ASAP1: variants seen among roughly 807,000 people sequenced by gnomAD.
The protein encoded by ASAP1 is arf-GAP with SH3 domain, ANK repeat and PH domain-containing protein 1.
A neutral mutation model predicts 145.2 loss-of-function variants in ASAP1; 43 were observed. That is an observed-to-expected ratio of 0.30 (90% CI 0.23 to 0.38). The LOEUF is 0.38. ASAP1 is among the 10% of genes least tolerant of loss of function. The pLI is 1.00. For missense variants in ASAP1, 1,018 were observed against 1,355.3 expected, an observed-to-expected ratio of 0.75 and a Z score of 3.91; for synonymous variants, 546 against 515.5, an observed-to-expected ratio of 1.06 and a Z score of -0.80.
At chr8:130,300,145 CACACACACAGAGAG>C (rs1330976330) in intron 3 of ASAP1, among the ~76,000 whole-genome samples, 1 of 107,362 alleles carries the variant, frequency 9.3e-6, no homozygotes, top group Non-Finnish European at 1.9e-5. Context: ...CACACACACA[CACACACACAGAGAG>C]AGAGAGAGAG....
At chr8:130,296,751 A>C (rs758903769) in intron 3 of ASAP1, among the ~76,000 whole-genome samples, 5 of 151,146 alleles carry the variant, frequency 3.3e-5, no homozygotes, top group Non-Finnish European at 4.4e-5. Flanking sequence ...CCGACTACAG[A>C]ATTAGTTTAA....
chr8:130,176,184 T>C (rs1813939849), intron 9 of ASAP1, among the ~76,000 whole-genome samples: 2 of 152,212 alleles, frequency 1.3e-5, no homozygotes, highest in African/African-American at 4.8e-5. Flanking sequence ...TGACTATTAC[T>C]ACCTAGGCAA....
chr8:130,354,059 T>C (rs1826160272), intron 3 of ASAP1, among the ~76,000 whole-genome samples: 1 of 152,040 alleles, frequency 6.6e-6, no homozygotes, highest in Non-Finnish European at 1.5e-5. Flanking sequence ...AGCTAATTTT[T>C]TTTTGTATTT....
intron 23 of ASAP1, 94 bp from the exon 24 acceptor site, chr8:130,112,416 G>T: frequency 9.8e-7 from 1 of 1,023,500 alleles, no homozygotes; most frequent in Non-Finnish European, 1.4e-6. Context: ...TGGGAATCTG[G>T]GTTCCTGTGG....
intron 1 of ASAP1, among the ~76,000 whole-genome samples, chr8:130,403,203 G>T (rs1176931458): frequency 6.6e-6 from 1 of 151,950 alleles, no homozygotes; most frequent in Non-Finnish European, 1.5e-5. Context: ...TAAAAAGATA[G>T]CAATAATTCC....
chr8:130,177,217 T>C (rs1288697155), intron 9 of ASAP1, among the ~76,000 whole-genome samples: 2 of 152,234 alleles, frequency 1.3e-5, no homozygotes, highest in African/African-American at 4.8e-5. Context: ...GGAGGATGCA[T>C]TAGCTATACA....
At chr8:130,164,055 T>C (rs182103617) in intron 11 of ASAP1, among the ~76,000 whole-genome samples, 82 of 152,312 alleles carry the variant, frequency 5.4e-4, no homozygotes, top group Non-Finnish European at 4.1e-4. Context: ...ATGCAAGGTA[T>C]CAATGGAGTG....
At chr8:130,252,595 T>G (rs938386528) in intron 3 of ASAP1, among the ~76,000 whole-genome samples, 5 of 152,166 alleles carry the variant, frequency 3.3e-5, no homozygotes, top group Non-Finnish European at 5.9e-5. Context: ...TAGTAGAATA[T>G]TGTGTTTCAA....
intron 25 of ASAP1, among the ~76,000 whole-genome samples, chr8:130,091,740 G>C (rs1021688866): frequency 2.0e-5 from 3 of 152,204 alleles, no homozygotes; most frequent in Non-Finnish European, 2.9e-5. Context: ...TTATAATTGA[G>C]TAAGATTTAG....
intron 5 of ASAP1, among the ~76,000 whole-genome samples, chr8:130,192,297 CTA>C (rs907748831): frequency 6.8e-6 from 1 of 147,962 alleles, no homozygotes; most frequent in Non-Finnish European, 1.5e-5. Context: ...CTGATATCAA[CTA>C]TGTCTATTAG....
intron 1 of ASAP1, among the ~76,000 whole-genome samples, chr8:130,415,006 C>A (rs1323629347): frequency 6.6e-6 from 1 of 152,260 alleles, no homozygotes; most frequent in Non-Finnish European, 1.5e-5. Flanking sequence ...GATCCCCCCA[C>A]CTTGGCCTCC....
At chr8:130,275,095 A>T (rs1172381740) in intron 3 of ASAP1, among the ~76,000 whole-genome samples, 4 of 152,232 alleles carry the variant, frequency 2.6e-5, no homozygotes, top group Non-Finnish European at 5.9e-5. Context: ...GGAATGAATA[A>T]TCCTAACCAT....
At chr8:130,273,827 T>C (rs1161097882) in intron 3 of ASAP1, among the ~76,000 whole-genome samples, 1 of 152,208 alleles carries the variant, frequency 6.6e-6, no homozygotes, top group Non-Finnish European at 1.5e-5. Context: ...AACACTGCCC[T>C]GTCTGGTAAC....
In ASAP1 at chr8:130,052,279, C is replaced by T. The variant is rs1807845618; in HGVS notation, c.*2452G>A. On this transcript the variant is annotated 3_prime_UTR_variant, in exon 30 of 30. Transcript: ENST00000518721. The stretch of plus-strand genomic sequence containing the variant: ...ATTCGGCATTTAACTAGTGGCACTA[C>T]AGGATTCCTATACAACATGTTGAAG... The T allele has an allele frequency of 1.3e-5, 2 of 152,610 alleles. No individual in the cohort carries two copies. Among genetic ancestry groups the T allele is most frequent in the South Asian group, 2.1e-4 (1 of 4,832 alleles). 9.5% of individuals were successfully genotyped at this position (152,610 alleles called of 1,614,324 possible). A position where few individuals can be genotyped will look rare whatever the true frequency, so the allele number is the denominator to read the frequency against.
chr8:130,280,176 G>A (rs1196379621), intron 3 of ASAP1, among the ~76,000 whole-genome samples: 1 of 152,212 alleles, frequency 6.6e-6, no homozygotes, highest in Non-Finnish European at 1.5e-5. Context: ...AGCTGGAACT[G>A]AACAAAGATG....
intron 2 of ASAP1, among the ~76,000 whole-genome samples, chr8:130,401,027 C>G (rs1031704435): frequency 6.6e-6 from 1 of 151,548 alleles, no homozygotes; most frequent in Admixed American, 6.6e-5. Flanking sequence ...ATTACAGGCG[C>G]CTGCCACCAC....
chr8:130,267,137 A>T (rs1820309456), intron 3 of ASAP1, among the ~76,000 whole-genome samples: 1 of 150,328 alleles, frequency 6.7e-6, no homozygotes, highest in African/African-American at 2.4e-5. Context: ...AAAAAAACAA[A>T]ACAAAAAACA....
intron 1 of ASAP1, among the ~76,000 whole-genome samples, chr8:130,420,744 A>G (rs937072480): frequency 4.6e-5 from 7 of 152,026 alleles, no homozygotes; most frequent in African/African-American, 1.7e-4. Flanking sequence ...AAATACAAAA[A>G]TTAGCCAGGC....
intron 3 of ASAP1, among the ~76,000 whole-genome samples, chr8:130,357,354 C>A (rs561746868): frequency 6.6e-6 from 1 of 152,372 alleles, no homozygotes; most frequent in East Asian, 1.9e-4. Flanking sequence ...GCCCTGCGGG[C>A]AGGTCCTGCT....
Sources: allele counts gnomAD v4.1 joint callset (sites outside exome capture counted in the v4.1 genomes callset), GRCh38; gene constraint gnomAD v4.1.1; transcripts MANE v1.5; gene names NCBI Gene and HGNC (gene_info 2026-07-23, HGNC 2026-07-21).